Variants in CACNA1C observed in about 807,000 individuals in gnomAD.
CACNA1C encodes the protein voltage-dependent L-type calcium channel subunit alpha-1C.
Under a neutral mutation model 229.0 loss-of-function variants are expected in CACNA1C, and 30 were observed. That is an observed-to-expected ratio of 0.13 (90% CI 0.10 to 0.18). The LOEUF (loss-of-function observed/expected upper bound fraction) is 0.18. Ranked by LOEUF, CACNA1C falls within the 10% of genes least tolerant of loss-of-function variation. CACNA1C has a pLI of 1.00. For synonymous variants in CACNA1C, 1,114 were observed against 1,132.5 expected, an observed-to-expected ratio of 0.98 and a Z score of 0.33; for missense variants, 1,658 against 2,845.0, an observed-to-expected ratio of 0.58 and a Z score of 9.49.
At chr12:2,484,787 AATGTG>A (rs2099691231) in intron 5 of CACNA1C, among the ~76,000 whole-genome samples, 1 of 148,472 alleles carries the variant, frequency 6.7e-6, no homozygotes, top group Non-Finnish European at 1.5e-5. Flanking sequence ...CTCCAACACT[AATGTG>A]TATACAACTT....
At position 2,548,184 on chromosome 12, in the gene CACNA1C, G is replaced by A. The variant is rs2099885435; in HGVS notation, c.1391-1759G>A. 3.3e-5 allele frequency among the ~76,000 whole-genome samples: 5 copies of A among 152,186 alleles called. No individual in the cohort carries two copies. The South Asian group carries it at 1.0e-3, about 32-fold the overall frequency. Reference sequence around the variant, plus strand: ...TTGAGCAAAGCCCCTGGCAAGCTCTGAAGGTCTGAGCTAAAACCATCCCTA... The same window carrying A: ...TTGAGCAAAGCCCCTGGCAAGCTCTAAAGGTCTGAGCTAAAACCATCCCTA... On this transcript the variant is annotated intron_variant, in intron 9 of 46. Transcript: ENST00000399655.
intron 3 of CACNA1C, among the ~76,000 whole-genome samples, chr12:2,172,484 A>T (rs1463682027): frequency 6.6e-6 from 1 of 152,234 alleles, no homozygotes; most frequent in East Asian, 1.9e-4. Context: ...TAATTATGAT[A>T]ATCTCACAAT....
chr12:2,692,657 T>C lies in CACNA1C; in HGVS notation c.*1458T>C, dbSNP rs749591401. On this transcript the variant is annotated 3_prime_UTR_variant, in exon 47 of 47. Coordinates refer to ENST00000399655, the MANE Select transcript of CACNA1C (RefSeq NM_000719.7). ...TTGTGAGTTGTGTTGGCATTAAAAC[T>C]GTATTTTAAAAAAAGACAGAAATTT... The C allele has an allele frequency of 6.5e-6, 1 of 152,680 alleles. No individual in the cohort carries two copies. The highest frequency in any genetic ancestry group is 1.5e-5 in the Non-Finnish European group (1 of 68,050). The allele number at this position is 152,680 out of a possible 1,614,324, so 9.5% of individuals were successfully genotyped here.
At chr12:2,559,026 C>G (rs1034816622) in intron 11 of CACNA1C, among the ~76,000 whole-genome samples, 1 of 151,966 alleles carries the variant, frequency 6.6e-6, no homozygotes, top group Non-Finnish European at 1.5e-5. Flanking sequence ...TGGTACATAA[C>G]AAGAACCTAA....
intron 3 of CACNA1C, among the ~76,000 whole-genome samples, chr12:2,315,043 G>A (rs1324325568): frequency 1.3e-5 from 2 of 152,144 alleles, no homozygotes; most frequent in Non-Finnish European, 2.9e-5. Flanking sequence ...CTTGATTCCT[G>A]GCCTAGTTGC....
chr12:2,081,570 C>CA (rs35716626), intron 1 of CACNA1C, among the ~76,000 whole-genome samples: 41 of 140,706 alleles, frequency 2.9e-4, no homozygotes, highest in Non-Finnish European at 4.4e-4. Flanking sequence ...GACTCAGTCT[C>CA]AAAAAAAAAA....
intron 3 of CACNA1C, among the ~76,000 whole-genome samples, chr12:2,273,610 T>A (rs1304357048): frequency 1.3e-5 from 2 of 152,170 alleles, no homozygotes; most frequent in East Asian, 3.8e-4. Context: ...GGGAATCAAA[T>A]CAGAGTGAAA....
In CACNA1C at chr12:2,547,484, A is replaced by G. The variant is rs762453343; in HGVS notation, c.1391-2459A>G. On this transcript the variant is annotated intron_variant, in intron 9 of 46. Coordinates refer to ENST00000399655, the MANE Select transcript of CACNA1C (RefSeq NM_000719.7). The stretch of plus-strand genomic sequence containing the variant: ...CGGCGGGCATGCTTGATCAGAAGAA[A>G]GGGAAGTTTGCTTGGTTTAGTCACT... 6 of 779,628 alleles carry G rather than the reference A, an allele frequency of 7.7e-6. No homozygotes were observed. In the African/African-American group the frequency reaches 1.0e-4, roughly 13 times the overall value. The allele number at this position is 779,628 out of a possible 1,614,324, so 48.3% of individuals were successfully genotyped here.
intron 1 of CACNA1C, among the ~76,000 whole-genome samples, chr12:1,982,468 T>C (rs1284675516): frequency 6.6e-6 from 1 of 152,204 alleles, no homozygotes; most frequent in Non-Finnish European, 1.5e-5. Context: ...AGTGGAATCA[T>C]ACAATATTTG....
At chr12:1,993,627 GGT>G (rs150056084) in intron 1 of CACNA1C, among the ~76,000 whole-genome samples, 3,956 of 146,564 alleles carry the variant, frequency 0.027, 86 homozygotes, top group Middle Eastern at 0.057. Flanking sequence ...CTTCATTTGT[GGT>G]GTGTGTGTGT....
intron 3 of CACNA1C, among the ~76,000 whole-genome samples, chr12:2,447,992 A>C (rs2099316098): frequency 6.6e-6 from 1 of 152,244 alleles, no homozygotes; most frequent in South Asian, 2.1e-4. Flanking sequence ...GCTTCTGCAG[A>C]GGCGAGCAGT....
chr12:2,460,883 T>G (rs1189687877), intron 5 of CACNA1C, among the ~76,000 whole-genome samples: 1 of 152,170 alleles, frequency 6.6e-6, no homozygotes, highest in Non-Finnish European at 1.5e-5. Flanking sequence ...CTTGCTGGAA[T>G]AGTGTCTGTG....
intron 3 of CACNA1C, among the ~76,000 whole-genome samples, chr12:2,339,912 T>G (rs1207473665): frequency 6.6e-6 from 1 of 152,244 alleles, no homozygotes; most frequent in African/African-American, 2.4e-5. Flanking sequence ...CTTTTATGTG[T>G]ATATCCTTCC....
At chr12:2,413,079 G>A (rs12311473) in intron 3 of CACNA1C, among the ~76,000 whole-genome samples, 2,011 of 152,320 alleles carry the variant, frequency 0.013, 54 homozygotes, top group African/African-American at 0.045. Context: ...GTGCAGTGGC[G>A]TGATCTCGGC....
intron 3 of CACNA1C, among the ~76,000 whole-genome samples, chr12:2,213,098 G>A (rs1031692910): frequency 6.6e-6 from 1 of 152,134 alleles, no homozygotes; most frequent in African/African-American, 2.4e-5. Flanking sequence ...CTGGGGCTGG[G>A]GCCCGGCTAA....
intron 3 of CACNA1C, among the ~76,000 whole-genome samples, chr12:2,124,163 A>C (rs1043766369): frequency 6.6e-6 from 1 of 151,078 alleles, no homozygotes; most frequent in African/African-American, 2.4e-5. Flanking sequence ...GTCATTTGCC[A>C]AACATCTATA....
intron 3 of CACNA1C, among the ~76,000 whole-genome samples, chr12:2,397,587 G>C (rs186927390): frequency 4.8e-4 from 73 of 152,356 alleles, no homozygotes; most frequent in African/African-American, 1.5e-3. Flanking sequence ...TGGTAATCAG[G>C]CTTGTGGTTG....
chr12:2,101,661 G>A lies in CACNA1C; in HGVS notation c.50-13563G>A, dbSNP rs1024642459. On this transcript the variant is annotated intron_variant, in intron 1 of 46. Coordinates refer to ENST00000399655, the MANE Select transcript of CACNA1C (RefSeq NM_000719.7). ...TGTTCAGAGGCACGAGGTGGAGTGC[G>A]AGCAGGTCCTGCCGGTTCCCAAGGG... Among the ~76,000 whole-genome samples the A allele has an allele frequency of 4.6e-5, 7 of 152,228 alleles. No homozygotes were observed. In the East Asian group the frequency reaches 5.8e-4, roughly 13 times the overall value.
chr12:2,558,791 C>T (rs1193279469), intron 11 of CACNA1C, among the ~76,000 whole-genome samples: 4 of 152,206 alleles, frequency 2.6e-5, no homozygotes, highest in African/African-American at 9.7e-5. Context: ...CTTCTGATAC[C>T]TTCTTTCTCT....
Sources: gnomAD v4.1 joint callset for allele counts (sites outside exome capture counted in the v4.1 genomes callset) on GRCh38, gnomAD v4.1.1 for gene constraint, MANE v1.5 for transcripts, NCBI Gene and HGNC (gene_info 2026-07-23, HGNC 2026-07-21) for gene names.